ZFP57: variants seen among roughly 807,000 people sequenced by gnomAD.
The protein encoded by ZFP57 is ZFP57 zinc finger protein, also known as zinc finger protein 57 homolog.
In ZFP57, 12 loss-of-function variants were observed where a neutral mutation model predicts 15.8. The ratio of observed to expected loss-of-function variants is 0.76; its 90% CI spans 0.49 to 1.23. ZFP57 has a LOEUF of 1.23. Among genes scored for constraint, ZFP57 ranks in the 50% most tolerant of loss-of-function variants. The pLI is 0.00. For missense variants in ZFP57, 536 were observed against 654.9 expected (o/e 0.82, Z 1.98); for synonymous variants, 203 against 242.3 (o/e 0.84, Z 1.51).
Position 29,673,842 on chromosome 6 carries a change from C to A in ZFP57, c.353-84G>T. 6.4e-7 allele frequency: 1 copy of A among 1,564,114 alleles called. No homozygotes were observed. Among genetic ancestry groups the A allele is most frequent in the Non-Finnish European group, 8.8e-7 (1 of 1,138,508 alleles). On this transcript the variant is annotated intron_variant, in intron 4 of 4. Coordinates refer to ENST00000376883, the MANE Select transcript of ZFP57 (RefSeq NM_001109809.5). This position sits in a 1 kb window ranked among gnomAD's most constrained non-coding sequence, Gnocchi z 4.7. Reference sequence around the variant, plus strand: ...GGCATGGTGGCTCACACCTGTAATCCCAGCACTTTGGGAGGCCGAGGCCAG... The same window carrying A: ...GGCATGGTGGCTCACACCTGTAATCACAGCACTTTGGGAGGCCGAGGCCAG...
rs1342976931 is a variant in ZFP57, at chr6:29,672,676, G to T, written c.1435C>A (p.Leu479Met). 1 of 1,612,108 alleles carries T rather than the reference G, an allele frequency of 6.2e-7. No individual in the cohort carries two copies. The highest frequency in any genetic ancestry group is 8.5e-7 in the Non-Finnish European group (1 of 1,179,280). The change falls in exon 5 of 5, where the codon CTG becomes ATG. Residue 479 changes from leucine to methionine, a missense_variant. Physicochemically the swap from Leu to Met is conservative, Grantham distance 15. Transcript: ENST00000376883. ...QSSHHKCRVILGQWLGFSHDV... is the reference protein window; with the variant it reads ...QSSHHKCRVIMGQWLGFSHDV... ...TGAGAGAAGCCAAGCCACTGGCCCA[G>T]GATCACCCGGCATTTATGGTGGCTG... is the stretch of plus-strand genomic sequence containing the variant.
intron 4 of ZFP57, among the ~76,000 whole-genome samples, chr6:29,674,265 T>A (rs143478979): frequency 1.2e-4 from 18 of 151,758 alleles, no homozygotes; most frequent in Admixed American, 5.3e-4. Flanking sequence ...GAAGAAGAAC[T>A]CCAACACAGC....
intron 1 of ZFP57, 130 bp from the exon 2 acceptor site, chr6:29,677,496 A>G (rs1247234213): frequency 5.4e-6 from 1 of 186,654 alleles, no homozygotes; most frequent in Non-Finnish European, 1.1e-5. Context: ...GCAATGAGGT[A>G]ACAATTACTG....
At chr6:29,675,598 G>C in intron 3 of ZFP57, 111 bp from the exon 4 acceptor site, 1 of 928,378 alleles carries the variant, frequency 1.1e-6, no homozygotes, top group Non-Finnish European at 1.8e-6. Flanking sequence ...CCATAACCTG[G>C]GACATGTAGA....
At chr6:29,677,924 G>C (rs1251622349) in intron 1 of ZFP57, among the ~76,000 whole-genome samples, 1 of 152,182 alleles carries the variant, frequency 6.6e-6, no homozygotes, top group Non-Finnish European at 1.5e-5. Flanking sequence ...CGGAGGACAG[G>C]CACAGTGGCT....
chr6:29,674,273 A>G (rs768229985), intron 4 of ZFP57, among the ~76,000 whole-genome samples: 8 of 152,192 alleles, frequency 5.3e-5, no homozygotes, highest in South Asian at 2.1e-4. Context: ...ACTCCAACAC[A>G]GCACTCCATT....
intron 1 of ZFP57, among the ~76,000 whole-genome samples, chr6:29,678,037 T>C (rs1772163435): frequency 6.6e-6 from 1 of 152,020 alleles, no homozygotes; most frequent in African/African-American, 2.4e-5. Context: ...CTGTCTCTAC[T>C]AAAAATACAA....
In ZFP57 at chr6:29,673,922, T is replaced by C. The variant is rs1328884891; in HGVS notation, c.353-164A>G. Among the ~76,000 whole-genome samples the C allele has an allele frequency of 6.6e-6, 1 of 152,054 alleles. No homozygotes were observed. The highest frequency in any genetic ancestry group is 1.5e-5 in the Non-Finnish European group (1 of 67,998). On this transcript the variant is annotated intron_variant, in intron 4 of 4. Transcript: ENST00000376883. This position sits in a 1 kb window ranked among gnomAD's most constrained non-coding sequence, Gnocchi z 4.7. ...CAGCCTGACCAACATGGTGAAACCC[T>C]GTCTCTACTACAAATACAAAAATTA...
chr6:29,672,791 G>A lies in ZFP57; in HGVS notation c.1320C>T (p.Tyr440=), dbSNP rs750984855. The change falls in exon 5 of 5, where the codon TAC becomes TAT. Residue 440 remains tyrosine, a synonymous_variant. Transcript: ENST00000376883. ...AGGAGAGGTCACAGATAGGGCAAAGGTAGCTCTTCTGCTTCCAGTGGGTCT... is the reference window on the plus strand; with the variant it reads ...AGGAGAGGTCACAGATAGGGCAAAGATAGCTCTTCTGCTTCCAGTGGGTCT... ...HQQTHWKQKS[Y]LCPICDLSFG... 36 of 1,613,074 alleles carry A rather than the reference G, an allele frequency of 2.2e-5. No homozygotes were observed. The highest frequency in any genetic ancestry group is 2.8e-5 in the Non-Finnish European group (33 of 1,180,032).
Position 29,673,027 on chromosome 6 carries a change from T to G in ZFP57, c.1084A>C (p.Thr362Pro), listed in dbSNP as rs766297919. 49 of 1,612,844 alleles carry G rather than the reference T, an allele frequency of 3.0e-5. No individual in the cohort carries two copies. Among genetic ancestry groups the G allele is most frequent in the Non-Finnish European group, 1.7e-6 (2 of 1,180,018 alleles). ...CTGGCATCCTGACAGAGGGTTCCAG[T>G]GATGGGTGCCTGGGTCCTGGTCACA... ...APVTRTQAPI[T>P]GTLCQDARSN... The change falls in exon 5 of 5, where the codon ACT becomes CCT. Residue 362 changes from threonine (T) to proline (P), a missense_variant. By Grantham distance (38) the Thr-to-Pro change is conservative. Transcript: ENST00000376883. The surrounding 1 kb of genome is among the most constrained non-coding windows in gnomAD (Gnocchi z 4.7).
In ZFP57 at chr6:29,673,226, C is replaced by G. The variant is rs1032415764; in HGVS notation, c.885G>C (p.Leu295Phe). Residue 295 changes from leucine to phenylalanine, a missense_variant, in exon 5 of 5, where the codon TTG becomes TTC. Leu to Phe is a conservative substitution (Grantham distance 22). Coordinates refer to ENST00000376883, the MANE Select transcript of ZFP57 (RefSeq NM_001109809.5). The surrounding 1 kb of genome is among the most constrained non-coding windows in gnomAD (Gnocchi z 4.7). ...ATTCAGCCTGGGTGCCTGGAATCCT[C>G]AAAGTACACTCCTGGTTTCCATCCA... ...EPVDGNQECT[L>F]RIPGTQAEFQ... 3.7e-6 allele frequency: 6 copies of G among 1,612,948 alleles called. No individual in the cohort carries two copies. In the African/African-American group the frequency reaches 5.3e-5, roughly 14 times the overall value.
rs917312314 is a variant in ZFP57, at chr6:29,673,473, C to T, written c.638G>A (p.Arg213Gln). ...GTGATAGCTGAGGGACTTGGGGCTC[C>T]GAAACAACTTCCCACACTGACTGCA... ...NSCSQCGKLF[R>Q]SPKSLSYHRR... Residue 213 changes from arginine (R) to glutamine (Q), a missense_variant, in exon 5 of 5, where the codon CGG becomes CAG. Arg to Gln is a conservative substitution (Grantham distance 43). Coordinates refer to ENST00000376883, the MANE Select transcript of ZFP57 (RefSeq NM_001109809.5). This position sits in a 1 kb window ranked among gnomAD's most constrained non-coding sequence, Gnocchi z 4.7. 11 of 1,613,014 alleles carry T rather than the reference C, an allele frequency of 6.8e-6. No homozygotes were observed. Among genetic ancestry groups the T allele is most frequent in the South Asian group, 1.1e-5 (1 of 91,082 alleles).
chr6:29,675,015 C>T (rs1260211884), intron 4 of ZFP57, among the ~76,000 whole-genome samples: 2 of 151,876 alleles, frequency 1.3e-5, no homozygotes, highest in East Asian at 1.9e-4. Flanking sequence ...TATCTGGACA[C>T]GGTGGCACAT....
Position 29,672,660 on chromosome 6 carries a change from C to A in ZFP57, c.1451G>T (p.Gly484Val). 6.2e-7 allele frequency: 1 copy of A among 1,611,370 alleles called. No homozygotes were observed. The highest frequency in any genetic ancestry group is 8.5e-7 in the Non-Finnish European group (1 of 1,178,592). ...KCRVILGQWL[G>V]FSHDVPTMAG... ...CATAGTGGGGACATCATGAGAGAAG[C>A]CAAGCCACTGGCCCAGGATCACCCG... Residue 484 changes from glycine to valine, a missense_variant, in exon 5 of 5, where the codon GGC (glycine) becomes GTC (valine). By Grantham distance (109) the Gly-to-Val change is moderately radical. Transcript: ENST00000376883.
rs1219448045 is a variant in ZFP57 at position 29,673,273 on chromosome 6, T to C, written c.838A>G (p.Ile280Val). ...TCCACTGGCTCCTGGTTTTGGTGTA[T>C]CTTCTGGTGGCGTTTGAGCTCAGAC... ...DQSELKRHQK[I>V]HQNQEPVDGN... Residue 280 changes from isoleucine (I) to valine (V), a missense_variant, in exon 5 of 5, where the codon ATA (isoleucine) becomes GTA (valine). Ile to Val is a conservative substitution (Grantham distance 29). Coordinates refer to ENST00000376883, the MANE Select transcript of ZFP57 (RefSeq NM_001109809.5). This position sits in a 1 kb window ranked among gnomAD's most constrained non-coding sequence, Gnocchi z 4.7. 6.2e-7 allele frequency: 1 copy of C among 1,613,046 alleles called. No individual in the cohort carries two copies. Among genetic ancestry groups the C allele is most frequent in the East Asian group, 2.2e-5 (1 of 44,884 alleles).
Position 29,675,494 on chromosome 6 carries a change from T to G in ZFP57, c.251-7A>C. ...TTATGCAGAAAGATTCTGGCTGATG[T>G]GTGGGAATGAGAAAGAGTTGAGTTG... is the stretch of plus-strand genomic sequence containing the variant. On this transcript the variant is annotated splice_polypyrimidine_tract_variant and splice_region_variant and intron_variant, in intron 3 of 4. Transcript: ENST00000376883. 1 of 1,613,130 alleles carries G rather than the reference T, an allele frequency of 6.2e-7. No individual in the cohort carries two copies. Among genetic ancestry groups the G allele is most frequent in the Non-Finnish European group, 8.5e-7 (1 of 1,179,124 alleles).
Position 29,673,831 on chromosome 6 carries a change from C to T in ZFP57, c.353-73G>A. The T allele has an allele frequency of 1.9e-6, 3 of 1,583,676 alleles. No individual in the cohort carries two copies. The highest frequency in any genetic ancestry group is 1.1e-5 in the South Asian group (1 of 90,440). ...AACAGAGGCTTGGCATGGTGGCTCA[C>T]ACCTGTAATCCCAGCACTTTGGGAG... On this transcript the variant is annotated intron_variant, in intron 4 of 4. Transcript: ENST00000376883. The surrounding 1 kb of genome is among the most constrained non-coding windows in gnomAD (Gnocchi z 4.7).
At chr6:29,675,246 T>TCAACTC (rs1411031410) in intron 4 of ZFP57, 140 bp downstream of exon 4, 4 of 734,472 alleles carry the variant, frequency 5.4e-6, no homozygotes, top group Non-Finnish European at 9.9e-6. Flanking sequence ...AAGCTCTCTT[T>TCAACTC]CAACTCCAAG....
chr6:29,673,258 C>A lies in ZFP57; in HGVS notation c.853G>T (p.Glu285Ter). 5.6e-6 allele frequency: 9 copies of A among 1,613,054 alleles called. No individual in the cohort carries two copies. Among genetic ancestry groups the A allele is most frequent in the African/African-American group, 1.3e-5 (1 of 75,028 alleles). Residue 285 changes from glutamate to a stop codon, truncating the protein, a stop_gained, in exon 5 of 5, where the codon GAG becomes TAG. Transcript: ENST00000376883. LOFTEE classifies it low-confidence loss of function (END_TRUNC). The surrounding 1 kb of genome is among the most constrained non-coding windows in gnomAD (Gnocchi z 4.7). ...KRHQKIHQNQ[E>*]PVDGNQECTL... ...CACTCCTGGTTTCCATCCACTGGCT[C>A]CTGGTTTTGGTGTATCTTCTGGTGG... is the stretch of plus-strand genomic sequence containing the variant.
Sources: allele counts gnomAD v4.1 joint callset (sites outside exome capture counted in the v4.1 genomes callset), GRCh38; gene constraint gnomAD v4.1.1; non-coding constraint Gnocchi (gnomAD v3.1); transcripts MANE v1.5; gene names NCBI Gene and HGNC (gene_info 2026-07-23, HGNC 2026-07-21).